The following RMND5A variants were observed in gnomAD, a reference collection of about 807,000 sequenced individuals.
RMND5A encodes the protein E3 ubiquitin-protein transferase RMND5A.
Under a neutral mutation model 49.7 loss-of-function variants are expected in RMND5A, and 17 were observed. That is an observed-to-expected ratio of 0.34 (90% CI 0.23 to 0.51). The LOEUF (loss-of-function observed/expected upper bound fraction) is 0.51. Ranked by LOEUF, RMND5A falls within the 20% of genes least tolerant of loss-of-function variation. The probability of loss-of-function intolerance (pLI) is 0.96; values close to 1 mark genes in which losing one functional copy is unlikely to be tolerated. For missense variants in RMND5A, 255 were observed against 471.3 expected, an observed-to-expected ratio of 0.54 and a Z score of 4.25; for synonymous variants, 156 against 167.7, an observed-to-expected ratio of 0.93 and a Z score of 0.54.
At position 86,776,723 on chromosome 2, in the gene RMND5A, C is replaced by A. The variant is rs11547281; in HGVS notation, c.*3312C>A. ...GAGAGCCACGCTGCTCAGTCTGTTT[C>A]GTCAGCCGACTCAGGTTATTTTCAG... On this transcript the variant is annotated 3_prime_UTR_variant, in exon 9 of 9. Transcript: ENST00000283632. The A allele has an allele frequency of 0.14, 21,401 of 152,162 alleles. 1,775 individuals are homozygous for A. The highest frequency in any genetic ancestry group is 0.22 in the African/African-American group (9,274 of 41,476). 9.4% of individuals were successfully genotyped at this position (152,162 alleles called of 1,614,324 possible).
intron 1 of RMND5A, among the ~76,000 whole-genome samples, chr2:86,721,628 C>T (rs1392285884): frequency 6.6e-6 from 1 of 151,780 alleles, no homozygotes; most frequent in Non-Finnish European, 1.5e-5. Context: ...TTTACTGCCC[C>T]AAGCCCTGAG....
intron 4 of RMND5A, among the ~76,000 whole-genome samples, chr2:86,754,343 A>G (rs1015080594): frequency 1.3e-5 from 2 of 152,262 alleles, no homozygotes; most frequent in African/African-American, 4.8e-5. Context: ...TTTGTAATAA[A>G]TAGCTCATAA....
rs1188465669 is a variant in RMND5A, at chr2:86,720,481, G to C, written c.-187G>C. 1 of 257,254 alleles carries C rather than the reference G, an allele frequency of 3.9e-6. No homozygotes were observed. The highest frequency in any genetic ancestry group is 9.6e-5 in the East Asian group (1 of 10,438). The allele number at this position is 257,254 out of a possible 1,614,324, so 15.9% of individuals were successfully genotyped here. On this transcript the variant is annotated 5_prime_UTR_variant, in exon 1 of 9. Coordinates refer to ENST00000283632, the MANE Select transcript of RMND5A (RefSeq NM_022780.4). ...CTCGCCGGGGGGCTAGGGCGCCATG[G>C]GGCAGGCGGGCTCCGGCTGCGCGGG...
intron 5 of RMND5A, 32 bp from the exon 6 acceptor site, chr2:86,765,827 A>G: frequency 6.2e-7 from 1 of 1,605,970 alleles, no homozygotes; most frequent in Non-Finnish European, 8.5e-7. Context: ...ACTGCAAGCA[A>G]ACTAATGCTT....
chr2:86,757,082 G>T (rs1681753102), intron 4 of RMND5A, among the ~76,000 whole-genome samples: 1 of 151,378 alleles, frequency 6.6e-6, no homozygotes, highest in African/African-American at 2.4e-5. Context: ...GCTGAGGCAG[G>T]AGAATCGCTT....
intron 4 of RMND5A, among the ~76,000 whole-genome samples, chr2:86,759,733 G>C (rs1226993016): frequency 6.6e-6 from 1 of 151,328 alleles, no homozygotes; most frequent in Non-Finnish European, 1.5e-5. Context: ...CCGGGAGGCA[G>C]AGGTTGCAGT....
rs898035923 is a variant in RMND5A at position 86,775,310 on chromosome 2, TTG to T, written c.*1901_*1902del. On this transcript the variant is annotated 3_prime_UTR_variant, in exon 9 of 9. Coordinates refer to ENST00000283632, the MANE Select transcript of RMND5A (RefSeq NM_022780.4). ...TTCCTTTGAATTAAAACCTAGAGTG[TTG>T]TATTTTTCTTTCTTTCTTTTTTTTT... The T allele has an allele frequency of 2.1e-5, 3 of 146,018 alleles. No homozygotes were observed. The highest frequency in any genetic ancestry group is 7.6e-5 in the African/African-American group (3 of 39,642). The allele number at this position is 146,018 out of a possible 1,614,324, so 9.0% of individuals were successfully genotyped here.
intron 6 of RMND5A, among the ~76,000 whole-genome samples, chr2:86,769,788 G>A (rs574074074): frequency 8.6e-5 from 13 of 151,998 alleles, no homozygotes; most frequent in Admixed American, 3.3e-4. Flanking sequence ...AACTGGGATT[G>A]GTTTTCAGTA....
intron 4 of RMND5A, among the ~76,000 whole-genome samples, chr2:86,758,364 A>ATT (rs76252434): frequency 4.1e-4 from 59 of 143,910 alleles, no homozygotes; most frequent in African/African-American, 1.5e-3. Context: ...ATATAGAACT[A>ATT]TTTTTTTTTT....
chr2:86,752,113 G>A, intron 3 of RMND5A, 83 bp downstream of exon 3: 2 of 1,274,226 alleles, frequency 1.6e-6, no homozygotes, highest in Non-Finnish European at 2.2e-6. Flanking sequence ...GTGGGGTTTT[G>A]AGTCTTCCTC....
At chr2:86,756,632 A>G (rs1261875312) in intron 4 of RMND5A, among the ~76,000 whole-genome samples, 3 of 152,234 alleles carry the variant, frequency 2.0e-5, no homozygotes, top group Non-Finnish European at 2.9e-5. Context: ...CTGACTAAGC[A>G]TCTTTCATGA....
chr2:86,755,280 G>T (rs553174128), intron 4 of RMND5A, among the ~76,000 whole-genome samples: 2 of 152,094 alleles, frequency 1.3e-5, no homozygotes, highest in South Asian at 4.2e-4. Flanking sequence ...CACCACACCT[G>T]GCTAATTTTT....
At chr2:86,728,856 C>T (rs1293868750) in intron 1 of RMND5A, among the ~76,000 whole-genome samples, 1 of 83,434 alleles carries the variant, frequency 1.2e-5, no homozygotes, top group Non-Finnish European at 2.4e-5. Context: ...CAAGTTCAAG[C>T]GATTCCCCTG....
rs1292455680 is a variant in RMND5A at position 86,721,163 on chromosome 2, C to G, written c.142+354C>G. 3 of 246,780 alleles carry G rather than the reference C, an allele frequency of 1.2e-5. No individual in the cohort carries two copies. The East Asian group carries it at 3.3e-4, about 27-fold the overall frequency. 15.3% of individuals were successfully genotyped at this position (246,780 alleles called of 1,614,324 possible). A position where few individuals can be genotyped will look rare whatever the true frequency, so the allele number is the denominator to read the frequency against. On this transcript the variant is annotated intron_variant, in intron 1 of 8. Coordinates refer to ENST00000283632, the MANE Select transcript of RMND5A (RefSeq NM_022780.4). ...CCCGCTCCCAGCCGGCCCCGGGAGT[C>G]TCACGTGGTGCCCGCGGCGCTGTTC...
chr2:86,756,322 G>A (rs770020109), intron 4 of RMND5A, among the ~76,000 whole-genome samples: 1 of 152,146 alleles, frequency 6.6e-6, no homozygotes, highest in Non-Finnish European at 1.5e-5. Flanking sequence ...GAGCCCAGGA[G>A]GCGGAGTCTG....
intron 2 of RMND5A, among the ~76,000 whole-genome samples, chr2:86,741,606 G>GT (rs1278236818): frequency 2.4e-4 from 22 of 91,222 alleles, no homozygotes; most frequent in African/African-American, 4.7e-4. Context: ...TTGATTTGAT[G>GT]TTTTTTTTCT....
Position 86,773,969 on chromosome 2 carries a change from C to A in RMND5A, c.*558C>A, listed in dbSNP as rs1191465156. ...ATGCTTTTTGATGTTTTCCTCTGCT[C>A]CAGCTCCAAGAAGTCAGCACACCTG... is the stretch of plus-strand genomic sequence containing the variant. On this transcript the variant is annotated 3_prime_UTR_variant, in exon 9 of 9. Coordinates refer to ENST00000283632, the MANE Select transcript of RMND5A (RefSeq NM_022780.4). 1 of 152,684 alleles carries A rather than the reference C, an allele frequency of 6.5e-6. No homozygotes were observed. The allele number at this position is 152,684 out of a possible 1,614,324, so 9.5% of individuals were successfully genotyped here. A position where few individuals can be genotyped will look rare whatever the true frequency, so the allele number is the denominator to read the frequency against.
At chr2:86,750,711 G>A (rs1681620332) in intron 2 of RMND5A, among the ~76,000 whole-genome samples, 1 of 150,204 alleles carries the variant, frequency 6.7e-6, no homozygotes, top group Admixed American at 6.6e-5. Context: ...TCTTCTCCTA[G>A]TATTCCGATG....
intron 2 of RMND5A, among the ~76,000 whole-genome samples, chr2:86,742,571 C>T (rs1681467196): frequency 6.6e-6 from 1 of 150,686 alleles, no homozygotes; most frequent in African/African-American, 2.5e-5. Flanking sequence ...CAGCTGTATC[C>T]TTCTAGAATG....
Sources: gnomAD v4.1 joint callset for allele counts (sites outside exome capture counted in the v4.1 genomes callset) on GRCh38, gnomAD v4.1.1 for gene constraint, MANE v1.5 for transcripts, NCBI Gene and HGNC (gene_info 2026-07-23, HGNC 2026-07-21) for gene names.